Variants in FNIP1 observed in about 807,000 individuals in gnomAD.
FNIP1 encodes folliculin interacting protein 1, also known as folliculin-interacting protein 1.
A neutral mutation model predicts 124.5 loss-of-function variants in FNIP1; 40 were observed. The ratio of observed to expected loss-of-function variants is 0.32; its 90% CI spans 0.25 to 0.42. FNIP1 has a LOEUF of 0.42. FNIP1 is among the 10% of genes least tolerant of loss of function. The pLI, the probability that FNIP1 is intolerant of heterozygous loss-of-function variation, is 1.00. For missense variants in FNIP1, 1,176 were observed against 1,403.7 expected (o/e 0.84, Z 2.59); for synonymous variants, 472 against 470.6 (o/e 1.00, Z -0.04).
At chr5:131,775,102 T>C (rs1240634446) in intron 1 of FNIP1, among the ~76,000 whole-genome samples, 5 of 152,206 alleles carry the variant, frequency 3.3e-5, no homozygotes, top group African/African-American at 1.2e-4. Context: ...TATGCAAAAA[T>C]ACTTATGATC....
intron 1 of FNIP1, among the ~76,000 whole-genome samples, chr5:131,752,880 C>T (rs919937840): frequency 3.9e-5 from 6 of 152,126 alleles, no homozygotes; most frequent in African/African-American, 1.4e-4. Flanking sequence ...CCAGTCTGAC[C>T]TACATGGGAG....
intron 15 of FNIP1, among the ~76,000 whole-genome samples, chr5:131,667,276 G>A (rs1006278200): frequency 1.4e-4 from 22 of 152,110 alleles, no homozygotes; most frequent in African/African-American, 5.1e-4. Context: ...TGGAGTACTG[G>A]CACTATATTC....
Position 131,730,907 on chromosome 5 carries a change from G to A in FNIP1, c.351C>T (p.Tyr117=), listed in dbSNP as rs1269115528. 6 of 1,598,852 alleles carry A rather than the reference G, an allele frequency of 3.8e-6. No individual in the cohort carries two copies. The highest frequency in any genetic ancestry group is 5.1e-6 in the Non-Finnish European group (6 of 1,173,366). ...SSDIKDQCLK[Y]QGSRCSSDAN... ...TAAATGACATCAATGATCTTACCTG[G>A]TACTTAAGACACTGGTCTTTTATAT... The change falls in exon 3 of 18, where the codon TAC becomes TAT. Residue 117 remains tyrosine, a synonymous_variant. Transcript: ENST00000510461.
At chr5:131,650,803 T>C (rs750144446) in intron 16 of FNIP1, among the ~76,000 whole-genome samples, 3 of 152,198 alleles carry the variant, frequency 2.0e-5, no homozygotes, top group Non-Finnish European at 4.4e-5. Context: ...TTAACTATGG[T>C]ATGTTATAGT....
chr5:131,741,378 G>C (rs939494979), intron 2 of FNIP1, among the ~76,000 whole-genome samples: 8 of 152,142 alleles, frequency 5.3e-5, no homozygotes, highest in African/African-American at 1.9e-4. Flanking sequence ...ATTTGAGCAT[G>C]CAAAGTACTT....
intron 1 of FNIP1, among the ~76,000 whole-genome samples, chr5:131,753,098 A>G (rs981556701): frequency 3.3e-5 from 5 of 152,126 alleles, no homozygotes; most frequent in Non-Finnish European, 7.4e-5. Context: ...CATACAAACA[A>G]ACAAAAAAAA....
intron 1 of FNIP1, among the ~76,000 whole-genome samples, chr5:131,755,847 A>G (rs1392948431): frequency 6.6e-6 from 1 of 152,096 alleles, no homozygotes; most frequent in African/African-American, 2.4e-5. Flanking sequence ...CGTCTCTACT[A>G]AAAATATAAA....
intron 15 of FNIP1, among the ~76,000 whole-genome samples, chr5:131,666,082 T>C (rs976147377): frequency 5.3e-5 from 8 of 151,156 alleles, no homozygotes; most frequent in African/African-American, 1.9e-4. Context: ...AGAGATGAGG[T>C]TTCACTGTGT....
At chr5:131,723,877 T>C (rs1465145329) in intron 3 of FNIP1, among the ~76,000 whole-genome samples, 3 of 123,566 alleles carry the variant, frequency 2.4e-5, no homozygotes, top group Non-Finnish European at 3.3e-5. Context: ...CACCCCCCAA[T>C]AGGTCCTGGT....
chr5:131,792,010 T>C (rs1234166478), intron 1 of FNIP1, among the ~76,000 whole-genome samples: 1 of 152,190 alleles, frequency 6.6e-6, no homozygotes, highest in Non-Finnish European at 1.5e-5. Flanking sequence ...TAACAACTAC[T>C]TCTGGTTCCT....
chr5:131,761,650 T>C (rs1438111668), intron 1 of FNIP1, among the ~76,000 whole-genome samples: 2 of 152,096 alleles, frequency 1.3e-5, no homozygotes, highest in African/African-American at 4.8e-5. Context: ...GTTCACAGAT[T>C]GGAAGAATCA....
At chr5:131,670,655 G>T in intron 14 of FNIP1, 24 bp from the exon 15 acceptor site, 3 of 1,493,684 alleles carry the variant, frequency 2.0e-6, no homozygotes, top group Non-Finnish European at 2.7e-6. Flanking sequence ...GCCCCCAAAA[G>T]ACATTTATTT....
intron 1 of FNIP1, 196 bp downstream of exon 1, chr5:131,796,634 T>C: frequency 1.8e-6 from 1 of 548,266 alleles, no homozygotes; most frequent in African/African-American, 2.0e-5. Context: ...GCGAGGCGGG[T>C]GGGGTAAAAT....
In FNIP1 at chr5:131,762,671, C is replaced by T. The variant is rs187966928; in HGVS notation, c.93-17981G>A. On this transcript the variant is annotated intron_variant, in intron 1 of 17. Transcript: ENST00000510461. ...GGTAGGAATGTTAGTATGACCACTACGGAGAACAGTTTGGAGGTTCCTCAA... is the reference window on the plus strand; with the variant it reads ...GGTAGGAATGTTAGTATGACCACTATGGAGAACAGTTTGGAGGTTCCTCAA... Among the ~76,000 whole-genome samples, 256 of 152,108 alleles carry T rather than the reference C, an allele frequency of 1.7e-3. 1 individual carries two copies. Among genetic ancestry groups the T allele is most frequent in the Admixed American group, 7.5e-3 (114 of 15,272 alleles).
intron 15 of FNIP1, 111 bp downstream of exon 15, chr5:131,670,352 G>T: frequency 3.4e-6 from 3 of 871,386 alleles, no homozygotes; most frequent in Non-Finnish European, 5.2e-6. Context: ...TGGATTCAGA[G>T]AACAATGATT....
chr5:131,662,729 C>A (rs1011948708), intron 15 of FNIP1, among the ~76,000 whole-genome samples: 129 of 132,222 alleles, frequency 9.8e-4, no homozygotes, highest in African/African-American at 3.5e-3. Flanking sequence ...TGGAGATATT[C>A]TAGATTTTTT....
In FNIP1 at chr5:131,671,927, A is replaced by G; in HGVS notation, c.2517T>C (p.Phe839=). ...TCCTGGTTTCGATTGAATCATCATTAAAATATTCGTCGAATAAGCTCATGC... is the reference window on the plus strand; with the variant it reads ...TCCTGGTTTCGATTGAATCATCATTGAAATATTCGTCGAATAAGCTCATGC... ...PESMSLFDEY[F]NDDSIETRTI... Residue 839 remains phenylalanine (F), a synonymous_variant, in exon 14 of 18, where the codon TTT becomes TTC. Transcript: ENST00000510461. The G allele has an allele frequency of 6.2e-7, 1 of 1,614,226 alleles. No individual in the cohort carries two copies. The highest frequency in any genetic ancestry group is 1.1e-5 in the South Asian group (1 of 91,080).
chr5:131,716,466 G>T, intron 6 of FNIP1, 99 bp downstream of exon 6: 1 of 685,844 alleles, frequency 1.5e-6, no homozygotes, highest in Non-Finnish European at 2.4e-6. Context: ...GAAATTCTTT[G>T]TTATCATGAC....
chr5:131,690,625 C>T (rs145596248), intron 11 of FNIP1, among the ~76,000 whole-genome samples: 2,513 of 152,292 alleles, frequency 0.017, 34 homozygotes, highest in South Asian at 0.065. Flanking sequence ...CACAGCCATG[C>T]TGAACTGTGA....
Sources: allele counts gnomAD v4.1 joint callset (sites outside exome capture counted in the v4.1 genomes callset), GRCh38; gene constraint gnomAD v4.1.1; transcripts MANE v1.5; gene names NCBI Gene and HGNC (gene_info 2026-07-23, HGNC 2026-07-21).